The following AFF3 variants were observed in gnomAD, a reference collection of about 807,000 sequenced individuals.
AFF3 encodes ALF transcription elongation factor 3.
A neutral mutation model predicts 129.7 loss-of-function variants in AFF3; 32 were observed. The observed-to-expected ratio is 0.25, with a 90% CI of 0.19 to 0.33. The LOEUF is 0.33. AFF3 is among the 10% of genes least tolerant of loss of function. The pLI is 1.00. For synonymous variants in AFF3, 644 were observed against 635.4 expected, an observed-to-expected ratio of 1.01 and a Z score of -0.20; for missense variants, 1,373 against 1,592.0, an observed-to-expected ratio of 0.86 and a Z score of 2.34.
chr2:100,027,187 C>G (rs1684120146), intron 4 of AFF3, among the ~76,000 whole-genome samples: 1 of 152,160 alleles, frequency 6.6e-6, no homozygotes, highest in African/African-American at 2.4e-5. Flanking sequence ...TAAGGACATT[C>G]CAAGTCTCAA....
rs530421569 is a variant in AFF3, at chr2:99,957,205, G to A, written c.873+49427C>T. 3.6e-4 allele frequency among the ~76,000 whole-genome samples: 55 copies of A among 152,000 alleles called. No individual in the cohort carries two copies. In the East Asian group the frequency reaches 9.1e-3, roughly 25 times the overall value. ...TGCGTGTGTGTGTGTGCGCGCGCGC[G>A]CATTTTTAGGTAGAGACCAATTAGA... is the stretch of plus-strand genomic sequence containing the variant. On this transcript the variant is annotated intron_variant, in intron 7 of 24. Coordinates refer to ENST00000672756, the MANE Select transcript of AFF3 (RefSeq NM_001386135.1).
intron 7 of AFF3, among the ~76,000 whole-genome samples, chr2:99,969,346 C>T (rs1678109631): frequency 1.3e-5 from 2 of 152,186 alleles, no homozygotes; most frequent in African/African-American, 4.8e-5. Flanking sequence ...TTGGACAACT[C>T]CTCTCACATA....
chr2:99,685,712 A>C (rs1301976665), intron 11 of AFF3, among the ~76,000 whole-genome samples: 1 of 152,230 alleles, frequency 6.6e-6, no homozygotes, highest in Non-Finnish European at 1.5e-5. Flanking sequence ...AAAAACTCTA[A>C]GTGGGAATGT....
At position 99,692,298 on chromosome 2, in the gene AFF3, T is replaced by C. The variant is rs907560579; in HGVS notation, c.1092-19709A>G. 9.9e-5 allele frequency among the ~76,000 whole-genome samples: 15 copies of C among 152,282 alleles called. 1 individual carries two copies. In the South Asian group the frequency reaches 2.9e-3, roughly 29 times the overall value. ...GATTTGGCCCTTGTTGAGCTCTCCATGGACATGGTGGCCCCTGTGGACAGG... is the reference window on the plus strand; with the variant it reads ...GATTTGGCCCTTGTTGAGCTCTCCACGGACATGGTGGCCCCTGTGGACAGG... On this transcript the variant is annotated intron_variant, in intron 11 of 24. Coordinates refer to ENST00000672756, the MANE Select transcript of AFF3 (RefSeq NM_001386135.1).
intron 22 of AFF3, among the ~76,000 whole-genome samples, chr2:99,558,278 A>G (rs1345783158): frequency 6.6e-6 from 1 of 152,242 alleles, no homozygotes; most frequent in African/African-American, 2.4e-5. Flanking sequence ...TGAATTTCCT[A>G]GGACAGTGGA....
intron 8 of AFF3, among the ~76,000 whole-genome samples, chr2:99,793,740 A>G (rs1685368951): frequency 6.6e-6 from 1 of 152,062 alleles, no homozygotes; most frequent in South Asian, 2.1e-4. Context: ...GATTTCATAA[A>G]TTTTCAGTAT....
chr2:99,785,543 C>T (rs771119448), intron 8 of AFF3, among the ~76,000 whole-genome samples: 1 of 152,152 alleles, frequency 6.6e-6, no homozygotes, highest in African/African-American at 2.4e-5. Flanking sequence ...ACAGGTTCTA[C>T]ATGAACAATA....
At chr2:100,095,898 G>C (rs1439795608) in intron 4 of AFF3, among the ~76,000 whole-genome samples, 1 of 152,228 alleles carries the variant, frequency 6.6e-6, no homozygotes, top group Non-Finnish European at 1.5e-5. Flanking sequence ...ACGGCGCAGA[G>C]AGAAGAAGGT....
At chr2:99,589,071 G>A (rs1024361402) in intron 15 of AFF3, among the ~76,000 whole-genome samples, 3 of 152,194 alleles carry the variant, frequency 2.0e-5, no homozygotes, top group Non-Finnish European at 4.4e-5. Context: ...AACTCTGCAT[G>A]CCTGGATGGC....
intron 21 of AFF3, among the ~76,000 whole-genome samples, chr2:99,559,918 AACTATAGGTT>A (rs1675313484): frequency 6.6e-6 from 1 of 152,348 alleles, no homozygotes; most frequent in Admixed American, 6.5e-5. Context: ...CAGGTAAAGG[AACTATAGGTT>A]ACCCGATCGT....
intron 8 of AFF3, among the ~76,000 whole-genome samples, chr2:99,775,780 C>T (rs62150110): frequency 0.033 from 5,044 of 151,862 alleles, 108 homozygotes; most frequent in Non-Finnish European, 0.045. Context: ...TCCTGAAAGA[C>T]GACAACATCA....
chr2:100,041,594 A>T (rs1317428394), intron 4 of AFF3, among the ~76,000 whole-genome samples: 1 of 152,182 alleles, frequency 6.6e-6, no homozygotes, highest in Non-Finnish European at 1.5e-5. Context: ...CTGACGTGTC[A>T]TATTTTGACA....
chr2:100,031,810 C>T (rs1684516277), intron 4 of AFF3, among the ~76,000 whole-genome samples: 1 of 152,186 alleles, frequency 6.6e-6, no homozygotes, highest in Non-Finnish European at 1.5e-5. Context: ...CATGAGTCCA[C>T]ACGGTAAATA....
At chr2:100,060,524 G>C (rs1687183497) in intron 4 of AFF3, among the ~76,000 whole-genome samples, 1 of 151,700 alleles carries the variant, frequency 6.6e-6, no homozygotes, top group African/African-American at 2.4e-5. Context: ...TGAAATACAG[G>C]TAACACTATA....
At chr2:99,742,311 T>C (rs552992491) in intron 10 of AFF3, among the ~76,000 whole-genome samples, 90 of 152,204 alleles carry the variant, frequency 5.9e-4, no homozygotes, top group African/African-American at 2.0e-3. Context: ...GTCACTGTAC[T>C]CTAGCCTGGG....
At chr2:99,936,017 G>C (rs184737265) in intron 7 of AFF3, among the ~76,000 whole-genome samples, 27 of 152,208 alleles carry the variant, frequency 1.8e-4, no homozygotes, top group Admixed American at 4.6e-4. Context: ...GGAGGAGGTA[G>C]GAAGTAAGAA....
chr2:99,744,846 T>C (rs13428668), intron 9 of AFF3, among the ~76,000 whole-genome samples: 130,401 of 152,224 alleles, frequency 0.86, 56,013 homozygotes, highest in South Asian at 0.92. Context: ...GCCACGAATA[T>C]GCAGGTATGT....
At chr2:99,620,018 A>ACTTCCTCACTGC (rs1410469219) in intron 13 of AFF3, among the ~76,000 whole-genome samples, 2 of 152,208 alleles carry the variant, frequency 1.3e-5, no homozygotes, top group African/African-American at 4.8e-5. Context: ...GTGATGGATG[A>ACTTCCTCACTGC]CTGCTGAGCA....
At chr2:99,720,475 A>G (rs1421371755) in intron 11 of AFF3, among the ~76,000 whole-genome samples, 1 of 152,132 alleles carries the variant, frequency 6.6e-6, no homozygotes, top group Non-Finnish European at 1.5e-5. Context: ...GCAGCATAGA[A>G]GTCCTCACCA....
Sources: gnomAD v4.1 joint callset for allele counts (sites outside exome capture counted in the v4.1 genomes callset) on GRCh38, gnomAD v4.1.1 for gene constraint, MANE v1.5 for transcripts, NCBI Gene and HGNC (gene_info 2026-07-23, HGNC 2026-07-21) for gene names.